APOLD1: variants seen among roughly 807,000 people sequenced by gnomAD.
APOLD1 encodes the protein apolipoprotein L domain-containing protein 1.
APOLD1 carries 22 observed loss-of-function variants against 15.3 expected under a neutral mutation model. The observed-to-expected ratio is 1.44, with a 90% confidence interval of 1.03 to 2.05. The LOEUF (loss-of-function observed/expected upper bound fraction) is 2.05, where lower values mean the gene tolerates loss of function less well. Ranked by LOEUF, APOLD1 falls within the 30% of genes most tolerant of loss-of-function variation. The pLI is 0.00. For synonymous variants in APOLD1, 190 were observed against 167.4 expected, an observed-to-expected ratio of 1.13 and a Z score of -1.04; for missense variants, 394 against 353.5, an observed-to-expected ratio of 1.11 and a Z score of -0.92.
chr12:12,743,048 C>A (rs1218178399), intron 1 of APOLD1, among the ~76,000 whole-genome samples: 2 of 152,232 alleles, frequency 1.3e-5, no homozygotes, highest in African/African-American at 4.8e-5. Context: ...CACCGCGCCC[C>A]GCCATGGTCA....
upstream of APOLD1, among the ~76,000 whole-genome samples, chr12:12,783,914 A>T (rs1044287784): frequency 6.6e-6 from 1 of 152,160 alleles, no homozygotes; most frequent in African/African-American, 2.4e-5. Context: ...GATTATAGGC[A>T]TGGGCCACCA....
At chr12:12,738,672 T>C (rs1316170987) in intron 1 of APOLD1, among the ~76,000 whole-genome samples, 3 of 149,680 alleles carry the variant, frequency 2.0e-5, no homozygotes, top group Non-Finnish European at 3.0e-5. Flanking sequence ...ATTAATTGAT[T>C]CTTGTATCTG....
rs188137843 is a variant in APOLD1 at position 12,778,055 on chromosome 12, G to C, written c.97-8854G>C. On this transcript the variant is annotated intron_variant, in intron 1 of 1. Transcript: ENST00000326765. ...TCCTCCCACCTCAGGCTCCTGAATA[G>C]CTGGGACCACAGGGGTGCACAACCA... Among the ~76,000 whole-genome samples the C allele has an allele frequency of 3.2e-4, 48 of 151,886 alleles. No individual in the cohort carries two copies. In the East Asian group the frequency reaches 9.3e-3, roughly 30 times the overall value.
At chr12:12,739,243 T>C (rs1946712838) in intron 1 of APOLD1, among the ~76,000 whole-genome samples, 1 of 152,208 alleles carries the variant, frequency 6.6e-6, no homozygotes, top group Non-Finnish European at 1.5e-5. Context: ...ATTTTTACCG[T>C]GGTTATTTAA....
At chr12:12,763,043 G>T (rs562353837) in intron 1 of APOLD1, among the ~76,000 whole-genome samples, 9 of 151,988 alleles carry the variant, frequency 5.9e-5, no homozygotes, top group Non-Finnish European at 1.3e-4. Flanking sequence ...GAGATGGGAG[G>T]ATTGCTTGAG....
At chr12:12,784,551 G>A (rs1260860925), upstream of APOLD1, among the ~76,000 whole-genome samples, 1 of 152,184 alleles carries the variant, frequency 6.6e-6, no homozygotes, top group Non-Finnish European at 1.5e-5. Flanking sequence ...TAAATACAAA[G>A]TATAGTCATA....
At chr12:12,726,156 CAAAAAAAA>C (rs745785485) in intron 1 of APOLD1, 609 of 113,506 alleles carry the variant, frequency 5.4e-3, no homozygotes, top group East Asian at 0.053. Flanking sequence ...TCTTCGCAAC[CAAAAAAAA>C]AAAAAAAAAA....
chr12:12,772,906 T>C (rs1314681221), intron 1 of APOLD1, among the ~76,000 whole-genome samples: 1 of 152,016 alleles, frequency 6.6e-6, no homozygotes, highest in Non-Finnish European at 1.5e-5. Flanking sequence ...CAAGAGAAAA[T>C]TAAAATATTT....
chr12:12,742,909 C>A (rs963401585), intron 1 of APOLD1, among the ~76,000 whole-genome samples: 2 of 152,240 alleles, frequency 1.3e-5, no homozygotes, highest in African/African-American at 4.8e-5. Flanking sequence ...GAACTACAGG[C>A]ATGTGACACC....
chr12:12,753,902 C>G (rs117273811), intron 1 of APOLD1, among the ~76,000 whole-genome samples: 2,561 of 151,900 alleles, frequency 0.017, 30 homozygotes, highest in South Asian at 0.027. Context: ...GACTTCTTAT[C>G]AGTGATATTG....
In APOLD1 at chr12:12,790,056, T is replaced by C. The variant is rs1227439818; in HGVS notation, c.*2404T>C. 1.3e-5 allele frequency: 2 copies of C among 151,534 alleles called. No individual in the cohort carries two copies. The highest frequency in any genetic ancestry group is 4.9e-5 in the African/African-American group (2 of 41,152). The allele number at this position is 151,534 out of a possible 1,614,324, so 9.4% of individuals were successfully genotyped here. ...CTCACTCTGTCACCTAGGCTGGAGT[T>C]GCAGTGGTTTGATCTCGGCTCACTG... is the stretch of plus-strand genomic sequence containing the variant. On this transcript the variant is annotated 3_prime_UTR_variant, in exon 2 of 2. Transcript: ENST00000356591.
intron 1 of APOLD1, among the ~76,000 whole-genome samples, chr12:12,746,293 C>T (rs552388170): frequency 2.6e-4 from 40 of 152,274 alleles, no homozygotes; most frequent in East Asian, 9.7e-4. Context: ...GTCAGGAGTT[C>T]GAGACCAACC....
chr12:12,763,436 C>T (rs1386178638), intron 1 of APOLD1, among the ~76,000 whole-genome samples: 2 of 151,746 alleles, frequency 1.3e-5, no homozygotes, highest in African/African-American at 4.8e-5. Context: ...GCACATCTTC[C>T]AATATATAGT....
intron 1 of APOLD1, among the ~76,000 whole-genome samples, chr12:12,727,566 G>T (rs750752579): frequency 6.6e-6 from 1 of 151,830 alleles, no homozygotes; most frequent in Non-Finnish European, 1.5e-5. Context: ...CCCAAACTCA[G>T]CCTCTGAAAG....
At chr12:12,747,488 G>T (rs1331633576) in intron 1 of APOLD1, among the ~76,000 whole-genome samples, 1 of 152,206 alleles carries the variant, frequency 6.6e-6, no homozygotes, top group Non-Finnish European at 1.5e-5. Flanking sequence ...GAGGCCTGCT[G>T]TAGGGGCAGG....
At chr12:12,743,937 A>G (rs186321228) in intron 1 of APOLD1, among the ~76,000 whole-genome samples, 2 of 152,344 alleles carry the variant, frequency 1.3e-5, no homozygotes, top group Admixed American at 1.3e-4. Flanking sequence ...CAGAGCCTCC[A>G]GAAACAAATG....
Position 12,787,229 on chromosome 12 carries a change from G to T in APOLD1, c.324G>T (p.Ser108=), listed in dbSNP as rs1262698553. The change falls in exon 2 of 2, where the codon TCG becomes TCT. Residue 108 remains serine (S), a synonymous_variant. Coordinates refer to ENST00000356591, the MANE Select transcript of APOLD1 (RefSeq NM_030817.3). The surrounding 1 kb of genome is among the most constrained non-coding windows in gnomAD (Gnocchi z 4.9). ...GGAVTITSDL[S]LIFCNSRELR... ...CCGTCACCATCACGTCCGATCTCTC[G>T]CTGATCTTCTGCAACTCCCGGGAGC... The T allele has an allele frequency of 5.1e-6, 8 of 1,569,112 alleles. No homozygotes were observed. The highest frequency in any genetic ancestry group is 4.5e-5 in the East Asian group (2 of 44,664).
intron 1 of APOLD1, chr12:12,764,751 C>T (rs1239809642): frequency 2.1e-6 from 1 of 483,432 alleles, no homozygotes; most frequent in Non-Finnish European, 4.4e-6. Flanking sequence ...TTATGTGCAT[C>T]TCACATGGTG....
intron 1 of APOLD1, among the ~76,000 whole-genome samples, chr12:12,779,847 GAT>G (rs995742567): frequency 3.3e-5 from 5 of 152,176 alleles, no homozygotes; most frequent in Non-Finnish European, 2.9e-5. Flanking sequence ...AGTGATTAAG[GAT>G]GTGTGTGTAC....
Sources: gnomAD v4.1 joint callset for allele counts (sites outside exome capture counted in the v4.1 genomes callset) on GRCh38, gnomAD v4.1.1 for gene constraint, Gnocchi (gnomAD v3.1) non-coding constraint, MANE v1.5 for transcripts, NCBI Gene and HGNC (gene_info 2026-07-23, HGNC 2026-07-21) for gene names.